The following OR2A2 variants were observed in gnomAD, a reference collection of about 807,000 sequenced individuals.
The protein encoded by OR2A2 is olfactory receptor 2A2.
For missense variants in OR2A2, 380 were observed against 384.8 expected (o/e 0.99, Z 0.10); for synonymous variants, 163 against 154.8 (o/e 1.05, Z -0.40).
chr7:144,110,400 T>A lies in OR2A2; in HGVS notation c.818T>A (p.Leu273Gln). 6.2e-7 allele frequency: 1 copy of A among 1,614,000 alleles called. No homozygotes were observed. The highest frequency in any genetic ancestry group is 8.5e-7 in the Non-Finnish European group (1 of 1,179,872). The change falls in exon 1 of 1, where the codon CTG (leucine) becomes CAG (glutamine). Residue 273 changes from leucine (L) to glutamine (Q), a missense_variant. By Grantham distance (113) the Leu-to-Gln change is moderately radical. Transcript: ENST00000408979. ...SNQREEQEKM[L>Q]SLFHSVFNPM... is the part of the protein sequence containing the mutation. ...CAACGAGAGGAGCAGGAGAAAATGC[T>A]GTCCCTGTTTCACAGTGTCTTTAAT...
Position 144,109,944 on chromosome 7 carries a change from G to T in OR2A2, c.362G>T (p.Arg121Met). The T allele has an allele frequency of 6.2e-7, 1 of 1,613,908 alleles. No individual in the cohort carries two copies. ...CLILVVMSYD[R>M]YVAICHPFQY... Reference sequence around the variant, plus strand: ...ATTTTGGTGGTGATGTCCTATGATAGGTATGTGGCCATCTGCCACCCTTTC... The same window carrying T: ...ATTTTGGTGGTGATGTCCTATGATATGTATGTGGCCATCTGCCACCCTTTC... Residue 121 changes from arginine (R) to methionine (M), a missense_variant, in exon 1 of 1, where the codon AGG becomes ATG. Arg to Met is a moderately conservative substitution (Grantham distance 91). Coordinates refer to ENST00000408979, the MANE Select transcript of OR2A2 (RefSeq NM_001005480.2).
chr7:144,110,377 A>C lies in OR2A2; in HGVS notation c.795A>C (p.Gln265His). 8 of 1,614,022 alleles carry C rather than the reference A, an allele frequency of 5.0e-6. No homozygotes were observed. The highest frequency in any genetic ancestry group is 5.9e-6 in the Non-Finnish European group (7 of 1,179,934). ...MVVYMVPDSN[Q>H]REEQEKMLSL... is the part of the protein sequence containing the mutation. ...TTTACATGGTCCCAGACTCTAATCA[A>C]CGAGAGGAGCAGGAGAAAATGCTGT... Residue 265 changes from glutamine to histidine, a missense_variant, in exon 1 of 1, where the codon CAA becomes CAC. Coordinates refer to ENST00000408979, the MANE Select transcript of OR2A2 (RefSeq NM_001005480.2).
rs1014348181 is a variant in OR2A2 at position 144,110,288 on chromosome 7, G to T, written c.706G>T (p.Ala236Ser). The change falls in exon 1 of 1, where the codon GCC (alanine) becomes TCC (serine). Residue 236 changes from alanine (A) to serine (S), a missense_variant. Transcript: ENST00000408979. ...CCAGACAAAGGAGGGCCGCATAAAG[G>T]CCTTCTCCACCTGCTCCTCCCACCT... The part of the protein sequence containing the change: ...KIQTKEGRIK[A>S]FSTCSSHLCV... The T allele has an allele frequency of 6.2e-7, 1 of 1,613,840 alleles. No homozygotes were observed. The highest frequency in any genetic ancestry group is 8.5e-7 in the Non-Finnish European group (1 of 1,179,886).
chr7:144,109,749 C>T lies in OR2A2; in HGVS notation c.167C>T (p.Thr56Ile). The T allele has an allele frequency of 6.2e-7, 1 of 1,614,126 alleles. No individual in the cohort carries two copies. ...GIICLDSKLH[T>I]PMYFFLSHLA... Reference sequence around the variant, plus strand: ...ATCTGCCTGGACTCTAAGCTTCACACACCCATGTACTTCTTCCTCTCACAC... The same window carrying T: ...ATCTGCCTGGACTCTAAGCTTCACATACCCATGTACTTCTTCCTCTCACAC... Residue 56 changes from threonine to isoleucine, a missense_variant, in exon 1 of 1, where the codon ACA becomes ATA. Thr to Ile is a moderately conservative substitution (Grantham distance 89, BLOSUM62 -1). Transcript: ENST00000408979.
In OR2A2 at chr7:144,110,085, G is replaced by C; in HGVS notation, c.503G>C (p.Cys168Ser). The change falls in exon 1 of 1, where the codon TGT (cysteine) becomes TCT (serine). Residue 168 changes from cysteine to serine, a missense_variant. Transcript: ENST00000408979. ...ATTCTCCTTCTAAGGTTGCCCTTCT[G>C]TGGGCCCCGGGATGTGAACCACCTC... is the stretch of plus-strand genomic sequence containing the variant. The part of the protein sequence containing the change: ...HEILLLRLPF[C>S]GPRDVNHLFC... 1.9e-6 allele frequency: 3 copies of C among 1,613,962 alleles called. No individual in the cohort carries two copies. Among genetic ancestry groups the C allele is most frequent in the Non-Finnish European group, 1.7e-6 (2 of 1,179,934 alleles).
At position 144,110,409 on chromosome 7, in the gene OR2A2, T is replaced by C; in HGVS notation, c.827T>C (p.Phe276Ser). 1 of 1,613,954 alleles carries C rather than the reference T, an allele frequency of 6.2e-7. No individual in the cohort carries two copies. The highest frequency in any genetic ancestry group is 8.5e-7 in the Non-Finnish European group (1 of 1,179,858). ...GAGCAGGAGAAAATGCTGTCCCTGT[T>C]TCACAGTGTCTTTAATCCAATGCTG... is the stretch of plus-strand genomic sequence containing the variant. ...REEQEKMLSLFHSVFNPMLNP... is the reference protein window; with the variant it reads ...REEQEKMLSLSHSVFNPMLNP... Residue 276 changes from phenylalanine (F) to serine (S), a missense_variant, in exon 1 of 1, where the codon TTT (phenylalanine) becomes TCT (serine). Phe to Ser is a radical substitution (Grantham distance 155). Coordinates refer to ENST00000408979, the MANE Select transcript of OR2A2 (RefSeq NM_001005480.2).
At position 144,110,361 on chromosome 7, in the gene OR2A2, T is replaced by C. The variant is rs114208499; in HGVS notation, c.779T>C (p.Val260Ala). 2 of 1,614,018 alleles carry C rather than the reference T, an allele frequency of 1.2e-6. No homozygotes were observed. Among genetic ancestry groups the C allele is most frequent in the Admixed American group, 1.7e-5 (1 of 60,008 alleles). ...FFGIAMVVYM[V>A]PDSNQREEQE... ...GGCATAGCCATGGTGGTTTACATGGTCCCAGACTCTAATCAACGAGAGGAG... is the reference window on the plus strand; with the variant it reads ...GGCATAGCCATGGTGGTTTACATGGCCCCAGACTCTAATCAACGAGAGGAG... The change falls in exon 1 of 1, where the codon GTC (valine) becomes GCC (alanine). Residue 260 changes from valine (V) to alanine (A), a missense_variant. Val to Ala is a moderately conservative substitution (Grantham distance 64, BLOSUM62 0). Coordinates refer to ENST00000408979, the MANE Select transcript of OR2A2 (RefSeq NM_001005480.2).
In OR2A2 at chr7:144,110,025, G is replaced by A. The variant is rs758530486; in HGVS notation, c.443G>A (p.Trp148Ter). ...TGCACGATCCTGGTTCTCACGTCCT[G>A]GTCATGTGGGTTTGCCCTGTCCCTG... ...RVCTILVLTS[W>*]SCGFALSLVH... The change falls in exon 1 of 1, where the codon TGG becomes TAG. Residue 148 changes from tryptophan to a stop codon, truncating the protein, a stop_gained. Coordinates refer to ENST00000408979, the MANE Select transcript of OR2A2 (RefSeq NM_001005480.2). LOFTEE classifies it low-confidence loss of function (END_TRUNC). 1.9e-6 allele frequency: 3 copies of A among 1,613,866 alleles called. No individual in the cohort carries two copies. Among genetic ancestry groups the A allele is most frequent in the Non-Finnish European group, 2.5e-6 (3 of 1,179,966 alleles).
chr7:144,109,741 G>A lies in OR2A2; in HGVS notation c.159G>A (p.Lys53=). The change falls in exon 1 of 1, where the codon AAG becomes AAA. Residue 53 remains lysine (K), a synonymous_variant. Coordinates refer to ENST00000408979, the MANE Select transcript of OR2A2 (RefSeq NM_001005480.2). ...TTGGGATTATCTGCCTGGACTCTAA[G>A]CTTCACACACCCATGTACTTCTTCC... The part of the protein sequence containing the change: ...VIFGIICLDS[K]LHTPMYFFLS... 6.2e-7 allele frequency: 1 copy of A among 1,613,972 alleles called. No homozygotes were observed. Among genetic ancestry groups the A allele is most frequent in the South Asian group, 1.1e-5 (1 of 91,082 alleles).
rs370221168 is a variant in OR2A2, at chr7:144,110,325, G to A, written c.743G>A (p.Gly248Glu). 3.1e-6 allele frequency: 5 copies of A among 1,613,950 alleles called. No homozygotes were observed. In the African/African-American group the frequency reaches 6.7e-5, roughly 22 times the overall value. The change falls in exon 1 of 1, where the codon GGA becomes GAA. Residue 248 changes from glycine to glutamate, a missense_variant. By Grantham distance (98) the Gly-to-Glu change is moderately conservative. Coordinates refer to ENST00000408979, the MANE Select transcript of OR2A2 (RefSeq NM_001005480.2). ...TGCTCCTCCCACCTGTGTGTGGTTG[G>A]ACTATTCTTTGGCATAGCCATGGTG... Reference protein sequence around the residue: ...STCSSHLCVVGLFFGIAMVVY... With the variant: ...STCSSHLCVVELFFGIAMVVY...
At position 144,110,440 on chromosome 7, in the gene OR2A2, C is replaced by A. The variant is rs1444497640; in HGVS notation, c.858C>A (p.Pro286=). The part of the protein sequence containing the change: ...FHSVFNPMLN[P]LIYSLRNAQL... ...GTGTCTTTAATCCAATGCTGAACCCCCTGATCTACAGCCTGAGGAATGCTC... is the reference window on the plus strand; with the variant it reads ...GTGTCTTTAATCCAATGCTGAACCCACTGATCTACAGCCTGAGGAATGCTC... The change falls in exon 1 of 1, where the codon CCC becomes CCA. Residue 286 remains proline, a synonymous_variant. Transcript: ENST00000408979. 1 of 1,613,890 alleles carries A rather than the reference C, an allele frequency of 6.2e-7. No homozygotes were observed. The highest frequency in any genetic ancestry group is 8.5e-7 in the Non-Finnish European group (1 of 1,179,914).
chr7:144,110,217 T>C lies in OR2A2; in HGVS notation c.635T>C (p.Leu212Ser), dbSNP rs1223264146. The C allele has an allele frequency of 5.0e-6, 8 of 1,613,982 alleles. No individual in the cohort carries two copies. The highest frequency in any genetic ancestry group is 1.7e-5 in the Admixed American group (1 of 59,986). The change falls in exon 1 of 1, where the codon TTG becomes TCG. Residue 212 changes from leucine (L) to serine (S), a missense_variant. Transcript: ENST00000408979. ...TTTGTCTTAGTCGGGCCTCTTTCCT[T>C]GATTCTGGTCTCCTACATGCACATC... is the stretch of plus-strand genomic sequence containing the variant. ...CVFVLVGPLSLILVSYMHILG... is the reference protein window; with the variant it reads ...CVFVLVGPLSSILVSYMHILG...
At position 144,109,730 on chromosome 7, in the gene OR2A2, C is replaced by G. The variant is rs1170285010; in HGVS notation, c.148C>G (p.Leu50Val). The G allele has an allele frequency of 6.2e-7, 1 of 1,614,050 alleles. No homozygotes were observed. The highest frequency in any genetic ancestry group is 1.7e-5 in the Admixed American group (1 of 60,008). ...TGGGGTCATCTTTGGGATTATCTGC[C>G]TGGACTCTAAGCTTCACACACCCAT... is the stretch of plus-strand genomic sequence containing the variant. ...GNGVIFGIIC[L>V]DSKLHTPMYF... Residue 50 changes from leucine (L) to valine (V), a missense_variant, in exon 1 of 1, where the codon CTG becomes GTG. Transcript: ENST00000408979.
rs768189074 is a variant in OR2A2 at position 144,110,080 on chromosome 7, C to G, written c.498C>G (p.Pro166=). 3.1e-6 allele frequency: 5 copies of G among 1,613,916 alleles called. No homozygotes were observed. Among genetic ancestry groups the G allele is most frequent in the African/African-American group, 2.7e-5 (2 of 74,892 alleles). The change falls in exon 1 of 1, where the codon CCC becomes CCG. Residue 166 remains proline, a synonymous_variant. Coordinates refer to ENST00000408979, the MANE Select transcript of OR2A2 (RefSeq NM_001005480.2). ...LVHEILLLRL[P]FCGPRDVNHL... ...ATGAAATTCTCCTTCTAAGGTTGCC[C>G]TTCTGTGGGCCCCGGGATGTGAACC...
In OR2A2 at chr7:144,109,686, C is replaced by T; in HGVS notation, c.104C>T (p.Thr35Ile). Reference protein sequence around the residue: ...LLCGLFSVFYTLTLLGNGVIF... With the variant: ...LLCGLFSVFYILTLLGNGVIF... The stretch of plus-strand genomic sequence containing the variant: ...TGTGGACTCTTCTCTGTCTTCTATA[C>T]ACTCACCCTGCTGGGGAATGGGGTC... The change falls in exon 1 of 1, where the codon ACA becomes ATA. Residue 35 changes from threonine to isoleucine, a missense_variant. Transcript: ENST00000408979. 1 of 1,613,964 alleles carries T rather than the reference C, an allele frequency of 6.2e-7. No homozygotes were observed. Among genetic ancestry groups the T allele is most frequent in the Non-Finnish European group, 8.5e-7 (1 of 1,179,900 alleles).
At position 144,109,957 on chromosome 7, in the gene OR2A2, C is replaced by T. The variant is rs1423959472; in HGVS notation, c.375C>T (p.Ile125=). The change falls in exon 1 of 1, where the codon ATC becomes ATT. Residue 125 remains isoleucine, a synonymous_variant. Coordinates refer to ENST00000408979, the MANE Select transcript of OR2A2 (RefSeq NM_001005480.2). The part of the protein sequence containing the change: ...VVMSYDRYVA[I]CHPFQYTVIM... The stretch of plus-strand genomic sequence containing the variant: ...TGTCCTATGATAGGTATGTGGCCAT[C>T]TGCCACCCTTTCCAGTACACTGTCA... 3.1e-6 allele frequency: 5 copies of T among 1,613,748 alleles called. No individual in the cohort carries two copies. Among genetic ancestry groups the T allele is most frequent in the East Asian group, 4.5e-5 (2 of 44,890 alleles).
chr7:144,110,065 C>T lies in OR2A2; in HGVS notation c.483C>T (p.Leu161=). Residue 161 remains leucine (L), a synonymous_variant, in exon 1 of 1, where the codon CTC becomes CTT. Transcript: ENST00000408979. ...GFALSLVHEI[L]LLRLPFCGPR... is the part of the protein sequence containing the mutation. ...CCCTGTCCCTGGTACATGAAATTCT[C>T]CTTCTAAGGTTGCCCTTCTGTGGGC... is the stretch of plus-strand genomic sequence containing the variant. 6.2e-7 allele frequency: 1 copy of T among 1,613,930 alleles called. No homozygotes were observed. Among genetic ancestry groups the T allele is most frequent in the South Asian group, 1.1e-5 (1 of 91,076 alleles).
chr7:144,109,835 A>G lies in OR2A2; in HGVS notation c.253A>G (p.Met85Val). ...TGTTCCCAAGATGTTGGCAAACCTA[A>G]TGAACCAGAAAAGAACCATCTCCTT... ...NNVPKMLANL[M>V]NQKRTISFVP... The change falls in exon 1 of 1, where the codon ATG becomes GTG. Residue 85 changes from methionine to valine, a missense_variant. Physicochemically the swap from Met to Val is conservative, Grantham distance 21. Transcript: ENST00000408979. 2 of 1,614,098 alleles carry G rather than the reference A, an allele frequency of 1.2e-6. No homozygotes were observed. The highest frequency in any genetic ancestry group is 1.7e-6 in the Non-Finnish European group (2 of 1,179,972).
rs1451020789 is a variant in OR2A2 at position 144,110,427 on chromosome 7, C to A, written c.845C>A (p.Pro282Gln). The change falls in exon 1 of 1, where the codon CCA becomes CAA. Residue 282 changes from proline to glutamine, a missense_variant. By Grantham distance (76) the Pro-to-Gln change is moderately conservative. Transcript: ENST00000408979. Reference sequence around the variant, plus strand: ...TCCCTGTTTCACAGTGTCTTTAATCCAATGCTGAACCCCCTGATCTACAGC... The same window carrying A: ...TCCCTGTTTCACAGTGTCTTTAATCAAATGCTGAACCCCCTGATCTACAGC... ...MLSLFHSVFN[P>Q]MLNPLIYSLR... 1.2e-6 allele frequency: 2 copies of A among 1,613,818 alleles called. No individual in the cohort carries two copies. Among genetic ancestry groups the A allele is most frequent in the Non-Finnish European group, 8.5e-7 (1 of 1,179,742 alleles).
Sources: allele counts gnomAD v4.1 joint callset, GRCh38; gene constraint gnomAD v4.1.1; transcripts MANE v1.5; gene names NCBI Gene and HGNC (gene_info 2026-07-23, HGNC 2026-07-21).